Variants in KCNH5 observed in about 807,000 individuals in gnomAD.
KCNH5 encodes voltage-gated delayed rectifier potassium channel KCNH5.
Under a neutral mutation model 96.1 loss-of-function variants are expected in KCNH5, and 46 were observed. The observed-to-expected ratio is 0.48, with a 90% CI of 0.38 to 0.61. The LOEUF is 0.61. Ranked by LOEUF, KCNH5 falls within the 20% of genes least tolerant of loss-of-function variation. KCNH5 has a pLI of 0.00. For missense variants in KCNH5, 907 were observed against 1,225.8 expected, an observed-to-expected ratio of 0.74 and a Z score of 3.88; for synonymous variants, 439 against 449.8, an observed-to-expected ratio of 0.98 and a Z score of 0.30.
intron 7 of KCNH5, among the ~76,000 whole-genome samples, chr14:62,915,477 A>T (rs562462240): frequency 1.3e-3 from 201 of 152,344 alleles, no homozygotes; most frequent in Non-Finnish European, 2.3e-3. Context: ...AATGCCATTA[A>T]AAATGCACAT....
chr14:63,036,258 G>A (rs1047122784), intron 1 of KCNH5, among the ~76,000 whole-genome samples: 1 of 152,166 alleles, frequency 6.6e-6, no homozygotes, highest in African/African-American at 2.4e-5. Context: ...TAGAGACACT[G>A]GCTGTATATG....
At chr14:62,942,797 T>C (rs150226520) in intron 7 of KCNH5, among the ~76,000 whole-genome samples, 59 of 152,320 alleles carry the variant, frequency 3.9e-4, no homozygotes, top group African/African-American at 1.4e-3. Flanking sequence ...GGGCTTCCTG[T>C]CTACCAATTA....
At position 62,814,782 on chromosome 14, in the gene KCNH5, C is replaced by CAA. The variant is rs71120235; in HGVS notation, c.1570-12203_1570-12202dup. Among the ~76,000 whole-genome samples, 93 of 33,754 alleles carry CAA rather than the reference C, an allele frequency of 2.8e-3. 14 individuals carry two copies. Among genetic ancestry groups the CAA allele is most frequent in the African/African-American group, 0.012 (81 of 6,572 alleles). 22.1% of individuals were successfully genotyped at this position (33,754 alleles called of 152,430 possible). ...TGGGCGACAAAGCGAGACTCCATCT[C>CAA]AAAAAAAAAAAAAAAAAAAAAAAAA... On this transcript the variant is annotated intron_variant, in intron 8 of 10. Coordinates refer to ENST00000322893, the MANE Select transcript of KCNH5 (RefSeq NM_139318.5).
chr14:62,978,082 G>A (rs959597529), intron 6 of KCNH5, among the ~76,000 whole-genome samples: 10 of 152,192 alleles, frequency 6.6e-5, no homozygotes, highest in African/African-American at 2.4e-4. Context: ...GATCAGAAAA[G>A]GCAGCAGCCT....
chr14:63,033,781 G>T (rs1314014499), intron 1 of KCNH5, among the ~76,000 whole-genome samples: 2 of 140,096 alleles, frequency 1.4e-5, no homozygotes, highest in Non-Finnish European at 3.1e-5. Context: ...ACCATGGCAG[G>T]TATTTTTTTT....
At position 62,883,547 on chromosome 14, in the gene KCNH5, G is replaced by A. The variant is rs143059809; in HGVS notation, c.1370-33695C>T. On this transcript the variant is annotated intron_variant, in intron 7 of 10. Transcript: ENST00000322893. The stretch of plus-strand genomic sequence containing the variant: ...GTTCATTAATACTAGACTTATAAAT[G>A]GCATATACAGAAAGAAAAATTGAAA... Among the ~76,000 whole-genome samples the A allele has an allele frequency of 1.4e-3, 207 of 151,816 alleles. 1 individual carries two copies. Among genetic ancestry groups the A allele is most frequent in the African/African-American group, 4.9e-3 (202 of 41,398 alleles).
chr14:62,901,144 G>A (rs916354722), intron 7 of KCNH5, among the ~76,000 whole-genome samples: 2 of 152,050 alleles, frequency 1.3e-5, no homozygotes, highest in African/African-American at 4.8e-5. Flanking sequence ...ATGAGCCACT[G>A]TGTCCAGCCT....
At chr14:63,030,536 A>G (rs1891605580) in intron 1 of KCNH5, among the ~76,000 whole-genome samples, 1 of 152,218 alleles carries the variant, frequency 6.6e-6, no homozygotes, top group Admixed American at 6.5e-5. Context: ...GTGTTTCTCA[A>G]TCTTGACTGC....
At chr14:62,868,954 G>T (rs1888194386) in intron 7 of KCNH5, among the ~76,000 whole-genome samples, 1 of 152,180 alleles carries the variant, frequency 6.6e-6, no homozygotes, top group South Asian at 2.1e-4. Flanking sequence ...CATTTGGGTT[G>T]GTTCGAAGTC....
At chr14:62,946,711 A>T (rs1889894109) in intron 7 of KCNH5, among the ~76,000 whole-genome samples, 2 of 152,158 alleles carry the variant, frequency 1.3e-5, no homozygotes, top group South Asian at 2.1e-4. Context: ...ACAGTAGTAC[A>T]TCCTAACCAT....
intron 10 of KCNH5, among the ~76,000 whole-genome samples, chr14:62,709,042 G>A (rs901459108): frequency 1.3e-5 from 2 of 151,502 alleles, no homozygotes; most frequent in Non-Finnish European, 2.9e-5. Context: ...TCAGGAGATC[G>A]AGACCACGGT....
At chr14:62,862,192 T>A (rs1888049661) in intron 7 of KCNH5, among the ~76,000 whole-genome samples, 1 of 152,198 alleles carries the variant, frequency 6.6e-6, no homozygotes, top group Admixed American at 6.5e-5. Flanking sequence ...TACTTAAATA[T>A]GGAAGCATTA....
chr14:62,907,401 G>T (rs773281378), intron 7 of KCNH5, among the ~76,000 whole-genome samples: 2 of 152,164 alleles, frequency 1.3e-5, no homozygotes, highest in Non-Finnish European at 2.9e-5. Flanking sequence ...AGTCTGCCAT[G>T]ATTTGTCTTC....
intron 7 of KCNH5, among the ~76,000 whole-genome samples, chr14:62,929,021 G>A (rs938212394): frequency 3.3e-5 from 5 of 151,958 alleles, no homozygotes; most frequent in South Asian, 2.1e-4. Flanking sequence ...GACTGCCTAC[G>A]AGACATATGT....
intron 9 of KCNH5, among the ~76,000 whole-genome samples, chr14:62,786,076 T>C (rs8016650): frequency 0.58 from 87,755 of 151,670 alleles, 25,668 homozygotes; most frequent in South Asian, 0.8. Context: ...CTGTAATCCC[T>C]GCTACTCAGG....
At chr14:63,029,509 T>C (rs1394063315) in intron 1 of KCNH5, among the ~76,000 whole-genome samples, 1 of 152,132 alleles carries the variant, frequency 6.6e-6, no homozygotes, top group South Asian at 2.1e-4. Context: ...AGAGGTATCT[T>C]GGTGTGTTTG....
chr14:62,976,483 A>G (rs893136062), intron 6 of KCNH5, among the ~76,000 whole-genome samples: 2 of 152,086 alleles, frequency 1.3e-5, no homozygotes, highest in Non-Finnish European at 2.9e-5. Context: ...AAGAAAGAAA[A>G]TTTAGAAAAG....
intron 7 of KCNH5, among the ~76,000 whole-genome samples, chr14:62,903,451 G>A (rs1361652428): frequency 6.6e-6 from 1 of 152,036 alleles, no homozygotes; most frequent in East Asian, 1.9e-4. Flanking sequence ...TCTCAAATTG[G>A]AAAAAAATAT....
chr14:62,998,922 G>C (rs1273696517), intron 4 of KCNH5, among the ~76,000 whole-genome samples: 1 of 152,158 alleles, frequency 6.6e-6, no homozygotes, highest in East Asian at 1.9e-4. Context: ...GTATTCTCTG[G>C]CTGTTGGATG....
Sources: allele counts gnomAD v4.1 joint callset (sites outside exome capture counted in the v4.1 genomes callset), GRCh38; gene constraint gnomAD v4.1.1; transcripts MANE v1.5; gene names NCBI Gene and HGNC (gene_info 2026-07-23, HGNC 2026-07-21).